The following NTM variants were observed in gnomAD, a reference collection of about 807,000 sequenced individuals.
The protein encoded by NTM is IgLON family member 2.
A neutral mutation model predicts 42.1 loss-of-function variants in NTM; 13 were observed. The observed-to-expected ratio is 0.31, with a 90% confidence interval of 0.20 to 0.49. The LOEUF (loss-of-function observed/expected upper bound fraction) is 0.49, where lower values mean the gene tolerates loss of function less well. Among genes scored for constraint, NTM ranks in the 20% least tolerant of loss-of-function variants. NTM has a pLI of 0.99. For missense variants in NTM, 373 were observed against 452.8 expected, an observed-to-expected ratio of 0.82 and a Z score of 1.60; for synonymous variants, 187 against 179.2, an observed-to-expected ratio of 1.04 and a Z score of -0.35.
chr11:131,661,979 A>C (rs1414650751), intron 1 of NTM, among the ~76,000 whole-genome samples: 6 of 152,214 alleles, frequency 3.9e-5, no homozygotes, highest in African/African-American at 1.4e-4. Flanking sequence ...TAACAGAATG[A>C]AGTGGGGGCT....
At chr11:131,401,834 A>ATATATATATGTG (rs1565465568) in intron 1 of NTM, among the ~76,000 whole-genome samples, 1 of 86,274 alleles carries the variant, frequency 1.2e-5, no homozygotes, top group African/African-American at 4.2e-5. Context: ...ATATATATAT[A>ATATATATATGTG]TATATATATA....
At position 132,003,301 on chromosome 11, in the gene NTM, A is replaced by G. The variant is rs2069822146; in HGVS notation, c.167+91653A>G. On this transcript the variant is annotated intron_variant, in intron 2 of 8. Transcript: ENST00000683400. The surrounding 1 kb of genome is among the most constrained non-coding windows in gnomAD (Gnocchi z 6.0). ...TTATTTGTTGCCCAGGTTGGAGTGC[A>G]GTGACGCAATCACAGCTTACTGCAG... is the stretch of plus-strand genomic sequence containing the variant. Among the ~76,000 whole-genome samples the G allele has an allele frequency of 6.7e-6, 1 of 149,922 alleles. No homozygotes were observed. The highest frequency in any genetic ancestry group is 2.5e-5 in the African/African-American group (1 of 40,568).
At chr11:132,049,893 A>G (rs916418329) in intron 2 of NTM, among the ~76,000 whole-genome samples, 1 of 152,086 alleles carries the variant, frequency 6.6e-6, no homozygotes, top group Non-Finnish European at 1.5e-5. Flanking sequence ...CTCATTTTTG[A>G]GAGTCTCCTT....
At chr11:131,736,631 A>G (rs569767819) in intron 1 of NTM, among the ~76,000 whole-genome samples, 29 of 152,320 alleles carry the variant, frequency 1.9e-4, no homozygotes, top group African/African-American at 6.7e-4. Context: ...TGTTAGCTCC[A>G]TATCTGCCAA....
intron 4 of NTM, among the ~76,000 whole-genome samples, chr11:132,272,204 C>A (rs2093514050): frequency 6.6e-6 from 1 of 152,094 alleles, no homozygotes; most frequent in Non-Finnish European, 1.5e-5. Context: ...GGGAGTGTTG[C>A]TCCTAAACTG....
intron 1 of NTM, among the ~76,000 whole-genome samples, chr11:131,502,351 A>G (rs1208898431): frequency 6.6e-6 from 1 of 152,192 alleles, no homozygotes; most frequent in Non-Finnish European, 1.5e-5. Flanking sequence ...CACCTTAATC[A>G]TGGACCTCTA....
intron 1 of NTM, among the ~76,000 whole-genome samples, chr11:131,447,362 C>G (rs1220621122): frequency 3.3e-5 from 5 of 152,182 alleles, no homozygotes; most frequent in East Asian, 1.9e-4. Flanking sequence ...AAGAGACCCC[C>G]CTTCCCTTTG....
At chr11:132,022,939 G>A (rs776522194) in intron 2 of NTM, among the ~76,000 whole-genome samples, 17 of 152,186 alleles carry the variant, frequency 1.1e-4, no homozygotes, top group Non-Finnish European at 2.1e-4. Context: ...TCCTATTAAT[G>A]TGATAAATGT....
chr11:131,571,581 C>A (rs569658849), intron 1 of NTM, among the ~76,000 whole-genome samples: 1 of 152,290 alleles, frequency 6.6e-6, no homozygotes, highest in South Asian at 2.1e-4. Flanking sequence ...AATAACTGTG[C>A]CCTCTCACAG....
intron 4 of NTM, among the ~76,000 whole-genome samples, chr11:132,227,078 G>T (rs140961915): frequency 6.6e-6 from 1 of 152,288 alleles, no homozygotes; most frequent in Non-Finnish European, 1.5e-5. Flanking sequence ...AGAGCCAGAG[G>T]CTGGCTATCC....
At chr11:131,679,820 T>A (rs138964830) in intron 1 of NTM, among the ~76,000 whole-genome samples, 145 of 152,186 alleles carry the variant, frequency 9.5e-4, no homozygotes, top group Non-Finnish European at 1.7e-3. Context: ...GCCCTCCCAG[T>A]CACCCTGATG....
rs756876047 is a variant in NTM at position 132,146,462 on chromosome 11, G to A, written c.348G>A (p.Ser116=). 21 of 1,614,044 alleles carry A rather than the reference G, an allele frequency of 1.3e-5. No individual in the cohort carries two copies. In the East Asian group the frequency reaches 2.0e-4, roughly 15 times the overall value. ...ATGACGAGGGCCCTTACACCTGCTC[G>A]GTGCAGACAGACAACCACCCAAAGA... ...DVYDEGPYTC[S]VQTDNHPKTS... is the part of the protein sequence containing the mutation. Residue 116 remains serine, a synonymous_variant, in exon 3 of 9, where the codon TCG becomes TCA. Transcript: ENST00000683400. This position sits in a 1 kb window ranked among gnomAD's most constrained non-coding sequence, Gnocchi z 4.5.
At chr11:131,692,427 C>T (rs1181699916) in intron 1 of NTM, among the ~76,000 whole-genome samples, 1 of 152,200 alleles carries the variant, frequency 6.6e-6, no homozygotes, top group Non-Finnish European at 1.5e-5. Flanking sequence ...GTGATGCTGA[C>T]ACAGGGCTAG....
intron 1 of NTM, chr11:131,533,743 A>T: frequency 6.6e-6 from 1 of 152,232 alleles, no homozygotes; most frequent in Non-Finnish European, 1.5e-5. Flanking sequence ...GGAGAGATAG[A>T]TGCTGCAGGA....
At chr11:131,621,333 T>G (rs774240296) in intron 1 of NTM, among the ~76,000 whole-genome samples, 1 of 152,112 alleles carries the variant, frequency 6.6e-6, no homozygotes, top group Non-Finnish European at 1.5e-5. Context: ...AAAGCATCAC[T>G]TTTTTTGCCA....
intron 1 of NTM, among the ~76,000 whole-genome samples, chr11:131,842,447 T>C (rs1186740734): frequency 1.3e-5 from 2 of 152,188 alleles, no homozygotes; most frequent in Non-Finnish European, 2.9e-5. Flanking sequence ...CATTTCTTAC[T>C]GTATTAAGAA....
intron 1 of NTM, among the ~76,000 whole-genome samples, chr11:131,781,242 AT>A: frequency 6.6e-6 from 1 of 152,128 alleles, no homozygotes; most frequent in African/African-American, 2.4e-5. Flanking sequence ...ACATTTGAGA[AT>A]TTTTTTCAAA....
chr11:131,712,027 A>C (rs2077206030), intron 1 of NTM, among the ~76,000 whole-genome samples: 1 of 150,266 alleles, frequency 6.7e-6, no homozygotes, highest in Non-Finnish European at 1.5e-5. Context: ...GGTATACCTA[A>C]TGCTAAATGA....
intron 2 of NTM, among the ~76,000 whole-genome samples, chr11:132,137,943 T>G (rs2068268262): frequency 6.6e-6 from 1 of 152,174 alleles, no homozygotes; most frequent in Admixed American, 6.5e-5. Context: ...TGCTAAATTT[T>G]CTCTTCTACC....
Sources: allele counts gnomAD v4.1 joint callset (sites outside exome capture counted in the v4.1 genomes callset), GRCh38; gene constraint gnomAD v4.1.1; non-coding constraint Gnocchi (gnomAD v3.1); transcripts MANE v1.5; gene names NCBI Gene and HGNC (gene_info 2026-07-23, HGNC 2026-07-21).